CNTN4: variants seen among roughly 807,000 people sequenced by gnomAD.
CNTN4 encodes contactin 4.
A neutral mutation model predicts 122.5 loss-of-function variants in CNTN4; 77 were observed. That is an observed-to-expected ratio of 0.63 (90% CI 0.52 to 0.76). The LOEUF is 0.76. CNTN4 is among the 30% of genes least tolerant of loss of function. CNTN4 has a pLI of 0.00. For missense variants in CNTN4, 1,256 were observed against 1,259.1 expected, an observed-to-expected ratio of 1.00 and a Z score of 0.04; for synonymous variants, 512 against 447.0, an observed-to-expected ratio of 1.15 and a Z score of -1.83.
intron 7 of CNTN4, among the ~76,000 whole-genome samples, chr3:2,858,794 CAA>C (rs1290198489): frequency 2.0e-5 from 3 of 151,968 alleles, no homozygotes; most frequent in Admixed American, 2.0e-4. Context: ...TTTTAATTGA[CAA>C]ATAAACATTG....
Position 2,866,351 on chromosome 3 carries a change from G to C in CNTN4, c.455-401G>C, listed in dbSNP as rs569140770. The C allele has an allele frequency of 3.3e-5, 12 of 359,216 alleles. No individual in the cohort carries two copies. The South Asian group carries it at 5.6e-4, about 17-fold the overall frequency. The allele number at this position is 359,216 out of a possible 1,614,324, so 22.3% of individuals were successfully genotyped here. A position where few individuals can be genotyped will look rare whatever the true frequency, so the allele number is the denominator to read the frequency against. ...TTATTATCTATAAAACAAAAGAAAT[G>C]ATCTAAATAGTTTCCAGGGTGGCTT... is the stretch of plus-strand genomic sequence containing the variant. On this transcript the variant is annotated intron_variant, in intron 7 of 24. Transcript: ENST00000418658.
intron 8 of CNTN4, among the ~76,000 whole-genome samples, chr3:2,878,551 CTCTGTGTGTGTGTGTGTG>C (rs1402585373): frequency 4.6e-5 from 3 of 64,854 alleles, no homozygotes; most frequent in African/African-American, 1.6e-4. Context: ...AAGAGATGCT[CTCTGTGTGTGTGTGTGTG>C]TGTGTGTGTG....
chr3:2,261,169 C>T (rs1422747109), intron 2 of CNTN4, among the ~76,000 whole-genome samples: 2 of 151,836 alleles, frequency 1.3e-5, no homozygotes, highest in Non-Finnish European at 2.9e-5. Context: ...TTTTTTCCCA[C>T]GTAGTTTATT....
intron 3 of CNTN4, among the ~76,000 whole-genome samples, chr3:2,367,094 GTA>G (rs920909885): frequency 6.6e-6 from 1 of 151,992 alleles, no homozygotes; most frequent in African/African-American, 2.4e-5. Context: ...TGTGGTGTGT[GTA>G]TGTGTGTGTA....
At chr3:2,842,676 C>T (rs1479605979) in intron 7 of CNTN4, among the ~76,000 whole-genome samples, 1 of 152,148 alleles carries the variant, frequency 6.6e-6, no homozygotes, top group Non-Finnish European at 1.5e-5. Context: ...CAGTGATGTC[C>T]ACAATACTAA....
At chr3:2,657,059 T>C (rs1042279838) in intron 4 of CNTN4, among the ~76,000 whole-genome samples, 1 of 152,192 alleles carries the variant, frequency 6.6e-6, no homozygotes, top group Non-Finnish European at 1.5e-5. Flanking sequence ...AATTATGCAA[T>C]GGGACAGCCA....
At chr3:2,314,762 G>A (rs1006787180) in intron 2 of CNTN4, among the ~76,000 whole-genome samples, 1 of 151,784 alleles carries the variant, frequency 6.6e-6, no homozygotes, top group Non-Finnish European at 1.5e-5. Flanking sequence ...GAAAAAATTT[G>A]CAAATCTTAA....
intron 4 of CNTN4, among the ~76,000 whole-genome samples, chr3:2,707,529 C>G (rs140271979): frequency 1.3e-5 from 2 of 152,280 alleles, no homozygotes; most frequent in African/African-American, 4.8e-5. Flanking sequence ...TGAAAGTCCC[C>G]TAATATTGCT....
chr3:2,957,237 A>T (rs1468135031), intron 13 of CNTN4, among the ~76,000 whole-genome samples: 2 of 152,154 alleles, frequency 1.3e-5, no homozygotes, highest in Non-Finnish European at 2.9e-5. Context: ...TGGTTATACC[A>T]ATTTACATTC....
chr3:2,418,121 C>G (rs1025675516), intron 3 of CNTN4, among the ~76,000 whole-genome samples: 2 of 151,974 alleles, frequency 1.3e-5, no homozygotes, highest in South Asian at 2.1e-4. Flanking sequence ...AGAGTAAACC[C>G]TAATGTAAAC....
At chr3:2,206,511 G>GA (rs10584602) in intron 2 of CNTN4, among the ~76,000 whole-genome samples, 1 of 151,312 alleles carries the variant, frequency 6.6e-6, no homozygotes, top group African/African-American at 2.4e-5. Flanking sequence ...GGATTTTTCT[G>GA]AAAAAAATAA....
rs2082344102 is a variant in CNTN4 at position 2,629,642 on chromosome 3, C to T, written c.55+58084C>T. 3 of 421,884 alleles carry T rather than the reference C, an allele frequency of 7.1e-6. No individual in the cohort carries two copies. The Admixed American group carries it at 8.8e-5, about 12-fold the overall frequency. 26.1% of individuals were successfully genotyped at this position (421,884 alleles called of 1,614,324 possible). On this transcript the variant is annotated intron_variant, in intron 4 of 24. Coordinates refer to ENST00000418658, the MANE Select transcript of CNTN4 (RefSeq NM_175607.3). ...TACAGCACCAGCTTTCTTAGTTTTC[C>T]ACAGTTCATGGTTCTCCTGTAGGCC... is the stretch of plus-strand genomic sequence containing the variant.
chr3:2,956,065 A>C (rs1368357151), intron 13 of CNTN4, among the ~76,000 whole-genome samples: 1 of 152,222 alleles, frequency 6.6e-6, no homozygotes, highest in Admixed American at 6.5e-5. Flanking sequence ...AGAAGAATAA[A>C]TAAACAAACT....
intron 3 of CNTN4, among the ~76,000 whole-genome samples, chr3:2,466,071 A>G (rs2075486434): frequency 6.6e-6 from 1 of 152,220 alleles, no homozygotes; most frequent in Non-Finnish European, 1.5e-5. Flanking sequence ...ACTTCACTGC[A>G]CTAAACCAAC....
At chr3:2,885,718 G>A (rs940686314) in intron 9 of CNTN4, among the ~76,000 whole-genome samples, 1 of 152,112 alleles carries the variant, frequency 6.6e-6, no homozygotes, top group African/African-American at 2.4e-5. Flanking sequence ...ACAATTTGTG[G>A]GTTAAGAATT....
At chr3:2,854,417 C>T (rs1288043590) in intron 7 of CNTN4, among the ~76,000 whole-genome samples, 3 of 143,150 alleles carry the variant, frequency 2.1e-5, no homozygotes, top group Non-Finnish European at 4.5e-5. Flanking sequence ...GGATTACAGG[C>T]GCCTGCCACC....
chr3:2,476,087 A>C (rs2075826555), intron 3 of CNTN4, among the ~76,000 whole-genome samples: 1 of 152,166 alleles, frequency 6.6e-6, no homozygotes, highest in African/African-American at 2.4e-5. Flanking sequence ...AAAAATTAAT[A>C]TCCCTTTTTG....
chr3:3,022,945 C>T (rs905707540), intron 14 of CNTN4, among the ~76,000 whole-genome samples: 1 of 152,072 alleles, frequency 6.6e-6, no homozygotes, highest in African/African-American at 2.4e-5. Flanking sequence ...TTTGAGAGTT[C>T]TATGCACGGA....
chr3:2,427,040 T>C (rs1575605238), intron 3 of CNTN4, among the ~76,000 whole-genome samples: 2 of 152,334 alleles, frequency 1.3e-5, no homozygotes, highest in Admixed American at 1.3e-4. Context: ...TTCATTGATT[T>C]TTTTGAAGGG....
Sources: gnomAD v4.1 joint callset for allele counts (sites outside exome capture counted in the v4.1 genomes callset) on GRCh38, gnomAD v4.1.1 for gene constraint, MANE v1.5 for transcripts, NCBI Gene and HGNC (gene_info 2026-07-23, HGNC 2026-07-21) for gene names.